BOC: variants seen among roughly 807,000 people sequenced by gnomAD.
BOC encodes brother of CDO.
A neutral mutation model predicts 112.0 loss-of-function variants in BOC; 76 were observed. The ratio of observed to expected loss-of-function variants is 0.68; its 90% CI spans 0.56 to 0.82. The LOEUF (loss-of-function observed/expected upper bound fraction) is 0.82. Among genes scored for constraint, BOC ranks in the 40% least tolerant of loss-of-function variants. BOC has a pLI of 0.00. For synonymous variants in BOC, 580 were observed against 599.8 expected, an observed-to-expected ratio of 0.97 and a Z score of 0.48; for missense variants, 1,309 against 1,511.7, an observed-to-expected ratio of 0.87 and a Z score of 2.22.
Position 113,272,566 on chromosome 3 carries a change from A to G in BOC, c.824A>G (p.Asn275Ser), listed in dbSNP as rs1948234915. The G allele has an allele frequency of 6.2e-7, 1 of 1,613,884 alleles. No homozygotes were observed. Among genetic ancestry groups the G allele is most frequent in the Non-Finnish European group, 8.5e-7 (1 of 1,179,972 alleles). ...GATGGGTCCAGTGTCACCGGCTACA[A>G]CAAGACGCGCTTCCTGCTGAGCAAC... ...AKDGSSVTGY[N>S]KTRFLLSNLL... The change falls in exon 7 of 20, where the codon AAC (asparagine) becomes AGC (serine). Residue 275 changes from asparagine (N) to serine (S), a missense_variant. Physicochemically the swap from Asn to Ser is conservative, Grantham distance 46. Coordinates refer to ENST00000682979, the MANE Select transcript of BOC (RefSeq NM_001378074.1).
rs1254145889 is a variant in BOC, at chr3:113,287,170, G to A, written c.*308G>A. 1 of 417,048 alleles carries A rather than the reference G, an allele frequency of 2.4e-6. No individual in the cohort carries two copies. The highest frequency in any genetic ancestry group is 4.6e-6 in the Non-Finnish European group (1 of 217,140). 25.8% of individuals were successfully genotyped at this position (417,048 alleles called of 1,614,324 possible). On this transcript the variant is annotated 3_prime_UTR_variant, in exon 20 of 20. Coordinates refer to ENST00000682979, the MANE Select transcript of BOC (RefSeq NM_001378074.1). Reference sequence around the variant, plus strand: ...TGCAGTGGCAGGCGAGGCTGCAGGAGGCCCACAGATAAGCTGGCAAGAGGA... The same window carrying A: ...TGCAGTGGCAGGCGAGGCTGCAGGAAGCCCACAGATAAGCTGGCAAGAGGA...
At chr3:113,275,830 T>C (rs1168839997) in intron 9 of BOC, among the ~76,000 whole-genome samples, 5 of 152,138 alleles carry the variant, frequency 3.3e-5, no homozygotes, top group Admixed American at 1.3e-4. Flanking sequence ...TCTGTTTTTT[T>C]CCCCTTACAT....
chr3:113,268,402 G>T lies in BOC; in HGVS notation c.480G>T (p.Gln160His). 6.2e-7 allele frequency: 1 copy of T among 1,614,160 alleles called. No homozygotes were observed. The highest frequency in any genetic ancestry group is 8.5e-7 in the Non-Finnish European group (1 of 1,180,024). Residue 160 changes from glutamine to histidine, a missense_variant, in exon 5 of 20, where the codon CAG (glutamine) becomes CAT (histidine). Physicochemically the swap from Gln to His is conservative, Grantham distance 24. Transcript: ENST00000682979. The part of the protein sequence containing the change: ...CHLPESHPKA[Q>H]VRYSVKQEWL... ...TGCCTGAGAGCCACCCCAAAGCCCA[G>T]GTCCGGTACAGCGTCAAACAAGAGT... is the stretch of plus-strand genomic sequence containing the variant.
At chr3:113,280,980 A>C in intron 14 of BOC, 51 bp from the exon 15 acceptor site, 3 of 1,602,202 alleles carry the variant, frequency 1.9e-6, no homozygotes, top group Non-Finnish European at 2.6e-6. Flanking sequence ...ATTGGGATCA[A>C]GAAAACCATA....
intron 2 of BOC, among the ~76,000 whole-genome samples, chr3:113,248,056 C>T (rs1049397690): frequency 2.6e-5 from 4 of 152,132 alleles, no homozygotes; most frequent in African/African-American, 4.8e-5. Context: ...TACAAACCAT[C>T]GGGAAAGAAC....
intron 4 of BOC, among the ~76,000 whole-genome samples, chr3:113,260,369 T>C (rs1322647855): frequency 6.6e-6 from 1 of 152,252 alleles, no homozygotes; most frequent in East Asian, 1.9e-4. Flanking sequence ...TACAAATGGA[T>C]TCAAGAAAGA....
intron 2 of BOC, among the ~76,000 whole-genome samples, chr3:113,217,302 A>C (rs755385435): frequency 1.3e-5 from 2 of 152,082 alleles, no homozygotes; most frequent in Non-Finnish European, 2.9e-5. Flanking sequence ...GACTGCTTGA[A>C]CCCAGGAGTT....
At chr3:113,283,723 A>G in intron 16 of BOC, 91 bp downstream of exon 16, 1 of 1,271,822 alleles carries the variant, frequency 7.9e-7, no homozygotes, top group African/African-American at 1.5e-5. Flanking sequence ...GTCCATGGAA[A>G]GCTCAAGCCC....
chr3:113,229,260 G>T (rs1381936450), intron 2 of BOC, among the ~76,000 whole-genome samples: 3 of 152,250 alleles, frequency 2.0e-5, no homozygotes, highest in African/African-American at 7.2e-5. Context: ...TTAAGAGGAT[G>T]TTGGGACCCT....
chr3:113,245,705 T>C (rs1454825414), intron 2 of BOC, among the ~76,000 whole-genome samples: 2 of 152,220 alleles, frequency 1.3e-5, no homozygotes, highest in Admixed American at 1.3e-4. Context: ...TCTCTACCAA[T>C]GGAACAAAAG....
intron 2 of BOC, among the ~76,000 whole-genome samples, chr3:113,224,950 G>A (rs894999762): frequency 3.9e-5 from 6 of 152,076 alleles, no homozygotes; most frequent in Admixed American, 2.6e-4. Flanking sequence ...GGTGGTGGGC[G>A]CCTGTAGTCC....
chr3:113,252,904 G>A (rs543806038), intron 4 of BOC, among the ~76,000 whole-genome samples: 2 of 152,246 alleles, frequency 1.3e-5, no homozygotes, highest in East Asian at 1.9e-4. Flanking sequence ...GTTGGGCGGG[G>A]GCTGCTATGA....
chr3:113,218,153 C>T (rs1576313265), intron 2 of BOC, among the ~76,000 whole-genome samples: 1 of 152,186 alleles, frequency 6.6e-6, no homozygotes, highest in African/African-American at 2.4e-5. Flanking sequence ...GTGAGGAAAG[C>T]GGAGCCTGTG....
Position 113,273,142 on chromosome 3 carries a change from G to A in BOC, c.1035G>A (p.Glu345=). ...GCCAGAGTGCCAAGCTTACCTGTGA[G>A]GTGCGTGGGAACCCCCCGCCCTCCG... ...PWGQSAKLTC[E]VRGNPPPSVL... The change falls in exon 8 of 20, where the codon GAG becomes GAA. Residue 345 remains glutamate (E), a synonymous_variant. Coordinates refer to ENST00000682979, the MANE Select transcript of BOC (RefSeq NM_001378074.1). The A allele has an allele frequency of 6.2e-7, 1 of 1,613,802 alleles. No individual in the cohort carries two copies. Among genetic ancestry groups the A allele is most frequent in the Non-Finnish European group, 8.5e-7 (1 of 1,179,746 alleles).
Position 113,270,936 on chromosome 3 carries a change from G to A in BOC, c.659G>A (p.Arg220His), listed in dbSNP as rs142636875. The A allele has an allele frequency of 7.9e-5, 127 of 1,614,060 alleles. No individual in the cohort carries two copies. The highest frequency in any genetic ancestry group is 9.7e-5 in the Non-Finnish European group (114 of 1,180,044). ...VKTSGSSDRL[R>H]VRRSTAEAAR... ...ACCTCCGGCTCCAGCGACAGGCTAC[G>A]TGTGCGCCGTAAGGCCCGGGCCCAC... Residue 220 changes from arginine to histidine, a missense_variant, in exon 6 of 20, where the codon CGT (arginine) becomes CAT (histidine). Coordinates refer to ENST00000682979, the MANE Select transcript of BOC (RefSeq NM_001378074.1).
At chr3:113,258,229 G>A (rs1037087116) in intron 4 of BOC, among the ~76,000 whole-genome samples, 2 of 152,010 alleles carry the variant, frequency 1.3e-5, no homozygotes, top group Non-Finnish European at 2.9e-5. Flanking sequence ...TTAACATTGT[G>A]TATTCAGACC....
Position 113,272,551 on chromosome 3 carries a change from G to A in BOC, c.809G>A (p.Ser270Asn). Residue 270 changes from serine (S) to asparagine (N), a missense_variant, in exon 7 of 20, where the codon AGT becomes AAT. Ser to Asn is a conservative substitution (Grantham distance 46). Coordinates refer to ENST00000682979, the MANE Select transcript of BOC (RefSeq NM_001378074.1). Reference sequence around the variant, plus strand: ...GTCACCTGGGCCAAGGATGGGTCCAGTGTCACCGGCTACAACAAGACGCGC... The same window carrying A: ...GTCACCTGGGCCAAGGATGGGTCCAATGTCACCGGCTACAACAAGACGCGC... ...PRVTWAKDGS[S>N]VTGYNKTRFL... 6.2e-7 allele frequency: 1 copy of A among 1,614,070 alleles called. No homozygotes were observed. The highest frequency in any genetic ancestry group is 8.5e-7 in the Non-Finnish European group (1 of 1,179,992).
intron 4 of BOC, chr3:113,251,197 C>T: frequency 2.1e-6 from 1 of 482,684 alleles, no homozygotes. Flanking sequence ...CAACTGCTCA[C>T]ACACCTTCCA....
At chr3:113,271,759 G>C (rs1048887339) in intron 6 of BOC, 1 of 164,728 alleles carries the variant, frequency 6.1e-6, no homozygotes, top group South Asian at 1.6e-4. Flanking sequence ...GCTGAGGAAC[G>C]GCACACATTA....
Sources: allele counts gnomAD v4.1 joint callset (sites outside exome capture counted in the v4.1 genomes callset), GRCh38; gene constraint gnomAD v4.1.1; transcripts MANE v1.5; gene names NCBI Gene and HGNC (gene_info 2026-07-23, HGNC 2026-07-21).